The following SPMIP4 variants were observed in gnomAD, a reference collection of about 807,000 sequenced individuals.
SPMIP4 encodes sperm microtubule inner protein 4.
At chr7:25,166,559 C>T in the SPMIP4 span, among the ~76,000 whole-genome samples, 430 of 151,594 alleles carry the variant, frequency 2.8e-3, no homozygotes, top group African/African-American at 9.9e-3. Flanking sequence ...TGCACTCGAG[C>T]CTGGGCAACA....
chr7:25,155,405 G>A, the SPMIP4 span, among the ~76,000 whole-genome samples: 4 of 152,078 alleles, frequency 2.6e-5, no homozygotes, highest in African/African-American at 9.7e-5. Context: ...TCTTAATTTT[G>A]CTAGACAAAA....
chr7:25,143,431 A>G, the SPMIP4 span, among the ~76,000 whole-genome samples: 3 of 152,212 alleles, frequency 2.0e-5, no homozygotes, highest in African/African-American at 7.2e-5. Context: ...CTAAGCACCT[A>G]TATGTGCACA....
the SPMIP4 span, among the ~76,000 whole-genome samples, chr7:25,147,906 GTT>G: frequency 6.6e-6 from 1 of 152,270 alleles, no homozygotes; most frequent in South Asian, 2.1e-4. Context: ...GATTAAGTAT[GTT>G]ACCCAGGTCA....
At chr7:25,157,408 GGAAA>G in the SPMIP4 span, among the ~76,000 whole-genome samples, 1 of 152,100 alleles carries the variant, frequency 6.6e-6, no homozygotes, top group Non-Finnish European at 1.5e-5. Flanking sequence ...GTGGAAAGGA[GGAAA>G]GAAAGAGTGT....
At chr7:25,141,866 C>A in the SPMIP4 span, among the ~76,000 whole-genome samples, 2 of 151,554 alleles carry the variant, frequency 1.3e-5, no homozygotes, top group Non-Finnish European at 2.9e-5. Context: ...GCCTCCTGAG[C>A]AGCTGGGAGT....
At chr7:25,155,281 C>G in the SPMIP4 span, 1 of 1,226,892 alleles carries the variant, frequency 8.2e-7, no homozygotes, top group Non-Finnish European at 1.1e-6. Flanking sequence ...TATTGGGACC[C>G]TTTTTTAAAT....
the SPMIP4 span, among the ~76,000 whole-genome samples, chr7:25,128,773 C>A: frequency 6.6e-6 from 1 of 152,198 alleles, no homozygotes; most frequent in Admixed American, 6.5e-5. This position sits in a 1 kb window ranked among gnomAD's most constrained non-coding sequence, Gnocchi z 4.5. Context: ...GAGTCTCTCC[C>A]CTGAAGCCAC....
chr7:25,125,962 G>T, the SPMIP4 span: 1 of 985,314 alleles, frequency 1.0e-6, no homozygotes, highest in Non-Finnish European at 1.2e-6. Flanking sequence ...GCAGAGACAG[G>T]ATTATCCCTC....
At chr7:25,157,074 C>T in the SPMIP4 span, among the ~76,000 whole-genome samples, 1 of 151,956 alleles carries the variant, frequency 6.6e-6, no homozygotes, top group Non-Finnish European at 1.5e-5. Context: ...AAAAAGAAAG[C>T]CAAAACCCCA....
the SPMIP4 span, among the ~76,000 whole-genome samples, chr7:25,154,441 G>A: frequency 4.6e-5 from 7 of 152,328 alleles, no homozygotes; most frequent in East Asian, 1.2e-3. Context: ...GTGTGGGAGA[G>A]ATTCGATGAC....
At chr7:25,167,331 A>G in the SPMIP4 span, among the ~76,000 whole-genome samples, 1 of 152,238 alleles carries the variant, frequency 6.6e-6, no homozygotes. Flanking sequence ...AAGGTGCTGA[A>G]TCTCTTGGGT....
chr7:25,143,551 A>T, the SPMIP4 span, among the ~76,000 whole-genome samples: 5 of 151,676 alleles, frequency 3.3e-5, no homozygotes, highest in East Asian at 9.7e-4. Flanking sequence ...GATTTTAACA[A>T]GTAATTCTTT....
chr7:25,161,620 ATT>A, the SPMIP4 span, among the ~76,000 whole-genome samples: 51 of 131,202 alleles, frequency 3.9e-4, no homozygotes, highest in Admixed American at 5.4e-4. Flanking sequence ...TTATTTATAG[ATT>A]TTTTTTTTTT....
the SPMIP4 span, among the ~76,000 whole-genome samples, chr7:25,129,173 C>G: frequency 6.6e-6 from 1 of 152,218 alleles, no homozygotes; most frequent in Non-Finnish European, 1.5e-5. Context: ...CATTCTAAGC[C>G]CAATGGCTCC....
the SPMIP4 span, chr7:25,135,804 C>T: frequency 3.0e-6 from 4 of 1,343,318 alleles, no homozygotes; most frequent in African/African-American, 4.4e-5. Flanking sequence ...ATCACCTTTT[C>T]TGGGTTCCTC....
At chr7:25,127,285 T>G in the SPMIP4 span, among the ~76,000 whole-genome samples, 56 of 152,188 alleles carry the variant, frequency 3.7e-4, no homozygotes, top group Non-Finnish European at 7.5e-4. Context: ...TACCCTGATC[T>G]CTCTCTCTAG....
the SPMIP4 span, chr7:25,155,177 T>C: frequency 1.3e-3 from 2,024 of 1,552,142 alleles, 55 homozygotes; most frequent in Admixed American, 0.038. Flanking sequence ...CAATTGGATA[T>C]GGCAAGCAGA....
chr7:25,176,838 A>G, the SPMIP4 span, among the ~76,000 whole-genome samples: 7 of 152,202 alleles, frequency 4.6e-5, no homozygotes, highest in African/African-American at 1.7e-4. This position sits in a 1 kb window ranked among gnomAD's most constrained non-coding sequence, Gnocchi z 4.4. Context: ...TTTCTTTATT[A>G]GTATAAAGAG....
At chr7:25,136,449 G>A in the SPMIP4 span, 3 of 1,614,118 alleles carry the variant, frequency 1.9e-6, no homozygotes, top group South Asian at 3.3e-5. The surrounding 1 kb of genome is among the most constrained non-coding windows in gnomAD (Gnocchi z 5.7). Flanking sequence ...TAGTATCTGT[G>A]ATTTTTGGAA....
Sources: gnomAD v4.1 joint callset for allele counts (sites outside exome capture counted in the v4.1 genomes callset) on GRCh38, gnomAD v4.1.1 for gene constraint, Gnocchi (gnomAD v3.1) non-coding constraint, MANE v1.5 for transcripts, NCBI Gene and HGNC (gene_info 2026-07-23, HGNC 2026-07-21) for gene names.